KLHDC10: variants seen among roughly 807,000 people sequenced by gnomAD.
KLHDC10 encodes kelch domain containing 10.
A neutral mutation model predicts 56.1 loss-of-function variants in KLHDC10; 24 were observed. The ratio of observed to expected loss-of-function variants is 0.43; its 90% confidence interval spans 0.31 to 0.60. The LOEUF (loss-of-function observed/expected upper bound fraction) is 0.60, where lower values mean the gene tolerates loss of function less well. Among genes scored for constraint, KLHDC10 ranks in the 20% least tolerant of loss-of-function variants. KLHDC10 has a pLI of 0.11. For synonymous variants in KLHDC10, 188 were observed against 207.1 expected, an observed-to-expected ratio of 0.91 and a Z score of 0.79; for missense variants, 349 against 567.0, an observed-to-expected ratio of 0.62 and a Z score of 3.91.
At chr7:130,102,924 ACT>A (rs1795953430) in intron 2 of KLHDC10, among the ~76,000 whole-genome samples, 1 of 152,154 alleles carries the variant, frequency 6.6e-6, no homozygotes, top group South Asian at 2.1e-4. Context: ...TGAAATTAAA[ACT>A]CAGTTGGAGG....
intron 8 of KLHDC10, among the ~76,000 whole-genome samples, chr7:130,128,563 C>T (rs1796343583): frequency 6.6e-6 from 1 of 152,044 alleles, no homozygotes; most frequent in African/African-American, 2.4e-5. Context: ...GGAAGAGCCT[C>T]TTTTGTGTTC....
At chr7:130,121,031 T>A in intron 4 of KLHDC10, 128 bp downstream of exon 4, 1 of 886,564 alleles carries the variant, frequency 1.1e-6, no homozygotes, top group East Asian at 2.7e-5. Context: ...AGTACTTGAT[T>A]TTTTAGTTCT....
In KLHDC10 at chr7:130,116,442, T is replaced by G; in HGVS notation, c.254-3T>G. The G allele has an allele frequency of 6.2e-7, 1 of 1,611,712 alleles. No individual in the cohort carries two copies. The highest frequency in any genetic ancestry group is 8.5e-7 in the Non-Finnish European group (1 of 1,178,706). ...TGTGGAAAACTGTCCTCTTCTCTCC[T>G]AGGCCACAGACCTCCACCAGCACGA... On this transcript the variant is annotated splice_polypyrimidine_tract_variant and splice_region_variant and intron_variant, in intron 2 of 9. Transcript: ENST00000335420. This position sits in a 1 kb window ranked among gnomAD's most constrained non-coding sequence, Gnocchi z 4.8.
intron 1 of KLHDC10, among the ~76,000 whole-genome samples, chr7:130,074,251 A>G (rs1342013787): frequency 6.6e-6 from 1 of 151,936 alleles, no homozygotes; most frequent in African/African-American, 2.4e-5. Flanking sequence ...CTCTTGTTTT[A>G]ACTTCTCTTC....
intron 1 of KLHDC10, among the ~76,000 whole-genome samples, chr7:130,074,738 C>G (rs1428990244): frequency 6.6e-6 from 1 of 151,824 alleles, no homozygotes; most frequent in Non-Finnish European, 1.5e-5. Context: ...GCCTCAGCCT[C>G]CTGAGTAGTT....
chr7:130,125,953 AT>A, intron 7 of KLHDC10, 22 bp downstream of exon 7: 1 of 1,475,732 alleles, frequency 6.8e-7, no homozygotes, highest in Non-Finnish European at 9.3e-7. Context: ...GTATTGATTA[AT>A]TTATCTTTAA....
chr7:130,084,974 T>C (rs1795663123), intron 1 of KLHDC10, among the ~76,000 whole-genome samples: 1 of 151,984 alleles, frequency 6.6e-6, no homozygotes, highest in South Asian at 2.1e-4. Flanking sequence ...TTAAAAAAAA[T>C]CAAACTCAAG....
chr7:130,072,173 C>T (rs1038020266), intron 1 of KLHDC10, among the ~76,000 whole-genome samples: 8 of 152,200 alleles, frequency 5.3e-5, no homozygotes, highest in Admixed American at 1.3e-4. Context: ...TGTGTATTGG[C>T]AGCTTAGAAG....
chr7:130,096,104 A>G (rs1795844240), intron 1 of KLHDC10, among the ~76,000 whole-genome samples: 1 of 152,150 alleles, frequency 6.6e-6, no homozygotes, highest in African/African-American at 2.4e-5. Context: ...TCAATACAGG[A>G]TTGTTGTGAG....
At chr7:130,110,705 A>T (rs1193465617) in intron 2 of KLHDC10, among the ~76,000 whole-genome samples, 2 of 152,218 alleles carry the variant, frequency 1.3e-5, no homozygotes, top group African/African-American at 2.4e-5. Context: ...TGGCCTTTAC[A>T]TTTGGAAAGA....
Position 130,120,931 on chromosome 7 carries a change from A to T in KLHDC10, c.630+28A>T. On this transcript the variant is annotated intron_variant, in intron 4 of 9. Transcript: ENST00000335420. This position sits in a 1 kb window ranked among gnomAD's most constrained non-coding sequence, Gnocchi z 5.1. ...ACCAATCTGTGGCCAGTCATGGTGTATTTGTTCATATTTTTCTAGTCTGGG... is the reference window on the plus strand; with the variant it reads ...ACCAATCTGTGGCCAGTCATGGTGTTTTTGTTCATATTTTTCTAGTCTGGG... 8 of 1,601,440 alleles carry T rather than the reference A, an allele frequency of 5.0e-6. No homozygotes were observed. The highest frequency in any genetic ancestry group is 6.0e-6 in the Non-Finnish European group (7 of 1,172,826).
At chr7:130,095,273 T>C (rs1249773804) in intron 1 of KLHDC10, among the ~76,000 whole-genome samples, 1 of 151,944 alleles carries the variant, frequency 6.6e-6, no homozygotes, top group African/African-American at 2.4e-5. Context: ...TTGCAAATTT[T>C]CAGTTTTTCC....
rs1381994248 is a variant in KLHDC10 at position 130,070,710 on chromosome 7, G to A, written c.67G>A (p.Gly23Arg). 8 of 1,294,250 alleles carry A rather than the reference G, an allele frequency of 6.2e-6. No homozygotes were observed. The highest frequency in any genetic ancestry group is 4.9e-6 in the Non-Finnish European group (5 of 1,017,540). The allele number at this position is 1,294,250 out of a possible 1,614,324, so 80.2% of individuals were successfully genotyped here. ...AGGAGGCGCCGCCGGCGCTGGTGGC[G>A]GAGGTAGCGGGGCCGGCGGGGGCAG... Reference protein sequence around the residue: ...RGGGAAGAGGGGSGAGGGSGG... With the variant: ...RGGGAAGAGGRGSGAGGGSGG... Residue 23 changes from glycine (G) to arginine (R), a missense_variant, in exon 1 of 10, where the codon GGA becomes AGA. Around this residue, in one of 2 missense-constraint regions of KLHDC10, gnomAD observed 104 missense variants for 97.0 expected, o/e 1.07. Coordinates refer to ENST00000335420, the MANE Select transcript of KLHDC10 (RefSeq NM_014997.4).
At position 130,106,105 on chromosome 7, in the gene KLHDC10, C is replaced by T. The variant is rs527518348; in HGVS notation, c.253+9098C>T. Among the ~76,000 whole-genome samples the T allele has an allele frequency of 1.3e-4, 20 of 152,102 alleles. No individual in the cohort carries two copies. The East Asian group carries it at 3.1e-3, about 24-fold the overall frequency. ...CGGAGGCAGTGAGCCAAGATCACGC[C>T]GTTGCACTCCAGCCTGGGCAACAAG... On this transcript the variant is annotated intron_variant, in intron 2 of 9. Transcript: ENST00000335420.
At chr7:130,123,591 C>T (rs1796279262) in intron 5 of KLHDC10, among the ~76,000 whole-genome samples, 1 of 152,024 alleles carries the variant, frequency 6.6e-6, no homozygotes, top group Non-Finnish European at 1.5e-5. Context: ...GAATCCAGTG[C>T]CTCTTTGTTG....
In KLHDC10 at chr7:130,116,646, G is replaced by A. The variant is rs747033692; in HGVS notation, c.455G>A (p.Arg152Gln). 10 of 1,613,962 alleles carry A rather than the reference G, an allele frequency of 6.2e-6. No homozygotes were observed. The Admixed American group carries it at 6.7e-5, about 11-fold the overall frequency. Residue 152 changes from arginine (R) to glutamine (Q), a missense_variant, in exon 3 of 10, where the codon CGG becomes CAG. Coordinates refer to ENST00000335420, the MANE Select transcript of KLHDC10 (RefSeq NM_014997.4). The surrounding 1 kb of genome is among the most constrained non-coding windows in gnomAD (Gnocchi z 4.8). ...ATGGGCACAGATGGCTACATGCCCC[G>A]GGAATTGGCATCTATGTCACGTGAG... ...HQMGTDGYMP[R>Q]ELASMSLVLH...
intron 2 of KLHDC10, among the ~76,000 whole-genome samples, chr7:130,101,941 G>A (rs1208091787): frequency 7.5e-6 from 1 of 133,968 alleles, no homozygotes; most frequent in Non-Finnish European, 1.5e-5. Flanking sequence ...CTGCACTCCA[G>A]CCTGGGCGAC....
Position 130,127,391 on chromosome 7 carries a change from G to C in KLHDC10, c.932-13G>C. 2 of 1,611,398 alleles carry C rather than the reference G, an allele frequency of 1.2e-6. No homozygotes were observed. Among genetic ancestry groups the C allele is most frequent in the Non-Finnish European group, 1.7e-6 (2 of 1,177,576 alleles). ...TGTAAGTAATGGAACTTCTGTGTTT[G>C]TGTGTTTGGCAGGCTTTCCTGCAGC... On this transcript the variant is annotated splice_polypyrimidine_tract_variant and intron_variant, in intron 7 of 9. Transcript: ENST00000335420.
intron 1 of KLHDC10, among the ~76,000 whole-genome samples, chr7:130,089,496 A>G (rs757964160): frequency 1.1e-4 from 16 of 152,264 alleles, no homozygotes; most frequent in Non-Finnish European, 2.1e-4. Context: ...TACTCAGTAT[A>G]TAAAGGTGTT....
Sources: allele counts gnomAD v4.1 joint callset (sites outside exome capture counted in the v4.1 genomes callset), GRCh38; gene constraint gnomAD v4.1.1; regional missense constraint gnomAD v4.1.1; non-coding constraint Gnocchi (gnomAD v3.1); transcripts MANE v1.5; gene names NCBI Gene and HGNC (gene_info 2026-07-23, HGNC 2026-07-21).